The following DAO variants were observed in gnomAD, a reference collection of about 807,000 sequenced individuals.
DAO encodes D-amino acid oxidase.
DAO carries 51 observed loss-of-function variants against 50.1 expected under a neutral mutation model. The observed-to-expected ratio is 1.02, with a 90% CI of 0.81 to 1.29. The LOEUF (loss-of-function observed/expected upper bound fraction) is 1.29, where lower values mean the gene tolerates loss of function less well. DAO is among the 50% of genes most tolerant of loss of function. DAO has a pLI of 0.00. For synonymous variants in DAO, 160 were observed against 166.2 expected (o/e 0.96, Z 0.29); for missense variants, 436 against 439.4 (o/e 0.99, Z 0.07).
At chr12:108,893,155 G>C (rs974273303) in intron 6 of DAO, 119 bp downstream of exon 6, 2 of 853,708 alleles carry the variant, frequency 2.3e-6, no homozygotes, top group Non-Finnish European at 3.9e-6. Context: ...GCCTGCCTCA[G>C]ACCCTTGCCC....
intron 5 of DAO, among the ~76,000 whole-genome samples, chr12:108,890,629 CTTTT>C (rs923169421): frequency 6.6e-6 from 1 of 151,750 alleles, no homozygotes; most frequent in Non-Finnish European, 1.5e-5. Flanking sequence ...CTCCCTCTCT[CTTTT>C]TTTTTCTTCT....
intron 1 of DAO, among the ~76,000 whole-genome samples, chr12:108,884,388 C>T (rs558774027): frequency 6.6e-6 from 1 of 152,328 alleles, no homozygotes; most frequent in Non-Finnish European, 1.5e-5. Context: ...GCCCCTACCT[C>T]ATGACAGTGT....
chr12:108,885,380 G>A (rs1007649214), intron 2 of DAO, among the ~76,000 whole-genome samples, 180 bp downstream of exon 2: 3 of 152,160 alleles, frequency 2.0e-5, no homozygotes, highest in Admixed American at 2.0e-4. Flanking sequence ...AGGTCGAGGT[G>A]GGAGGATCAC....
rs118158458 is a variant in DAO, at chr12:108,883,985, G to C, written c.-9-1013G>C. On this transcript the variant is annotated intron_variant, in intron 1 of 10. Transcript: ENST00000228476. ...GTGAAGATGAGGGAAAGTTGAATTT[G>C]GCTCTTCTGGGCACAAATAATTCTC... is the stretch of plus-strand genomic sequence containing the variant. Among the ~76,000 whole-genome samples, 58 of 152,366 alleles carry C rather than the reference G, an allele frequency of 3.8e-4. 4 individuals carry two copies. In the East Asian group the frequency reaches 0.011, roughly 29 times the overall value.
chr12:108,894,349 C>A lies in DAO; in HGVS notation c.594C>A (p.Gly198=). The change falls in exon 7 of 11, where the codon GGC becomes GGA. Residue 198 remains glycine, a synonymous_variant. Transcript: ENST00000228476. ...AACGAGACCCCCTGCTGCAGCCAGG[C>A]CGGGGGCAGATCATGAAGGTGAGTG... The part of the protein sequence containing the change: ...ALQRDPLLQP[G]RGQIMKVDAP... 1 of 1,613,724 alleles carries A rather than the reference C, an allele frequency of 6.2e-7. No individual in the cohort carries two copies. Among genetic ancestry groups the A allele is most frequent in the South Asian group, 1.1e-5 (1 of 91,034 alleles).
At chr12:108,883,721 A>T (rs910955292) in intron 1 of DAO, 4 of 439,346 alleles carry the variant, frequency 9.1e-6, no homozygotes, top group Non-Finnish European at 1.4e-5. Flanking sequence ...CTGTCCCCTA[A>T]GCCCCAGTAT....
chr12:108,886,652 G>A (rs971045719), intron 2 of DAO, among the ~76,000 whole-genome samples: 1 of 152,076 alleles, frequency 6.6e-6, no homozygotes, highest in Non-Finnish European at 1.5e-5. Context: ...TTTTTGTAGA[G>A]CCAGGGTCTT....
Position 108,900,562 on chromosome 12 carries a change from C to G in DAO, c.*27C>G, listed in dbSNP as rs3741773. The G allele has an allele frequency of 1.5e-5, 24 of 1,612,720 alleles. No homozygotes were observed. The East Asian group carries it at 3.6e-4, about 24-fold the overall frequency. On this transcript the variant is annotated 3_prime_UTR_variant, in exon 11 of 11. Transcript: ENST00000228476. Reference sequence around the variant, plus strand: ...GACTCCAGTGACTGCTGCCTCCCCCCACAAGAACTCCCTTCTCCCCTCAGC... The same window carrying G: ...GACTCCAGTGACTGCTGCCTCCCCCGACAAGAACTCCCTTCTCCCCTCAGC...
At chr12:108,893,337 G>A (rs1219775349) in intron 6 of DAO, among the ~76,000 whole-genome samples, 2 of 152,124 alleles carry the variant, frequency 1.3e-5, no homozygotes, top group African/African-American at 4.8e-5. Context: ...GCACTCCAAG[G>A]TCAGAACTTG....
chr12:108,880,788 A>C (rs1202669872), intron 1 of DAO, among the ~76,000 whole-genome samples: 1 of 152,040 alleles, frequency 6.6e-6, no homozygotes, highest in East Asian at 1.9e-4. Context: ...CAGCTGTCTC[A>C]GATTGCCTTC....
chr12:108,894,448 A>G, intron 7 of DAO, 81 bp downstream of exon 7: 11 of 1,180,526 alleles, frequency 9.3e-6, no homozygotes, highest in Non-Finnish European at 1.4e-5. Flanking sequence ...AAGATCATGG[A>G]CAAATCAGGA....
chr12:108,895,714 TATGTGTGGATGC>T (rs1394587132), intron 7 of DAO, among the ~76,000 whole-genome samples: 2 of 144,068 alleles, frequency 1.4e-5, no homozygotes, highest in East Asian at 4.2e-4. Context: ...GTGAGGGGTA[TATGTGTGGATGC>T]ATGTGAGGGT....
intron 10 of DAO, chr12:108,899,750 T>TG: frequency 2.0e-6 from 1 of 496,376 alleles, no homozygotes. Context: ...GGAGTGGGGA[T>TG]GGTAGCTGGT....
At chr12:108,888,488 A>AC (rs1487165829) in intron 3 of DAO, among the ~76,000 whole-genome samples, 7 of 152,008 alleles carry the variant, frequency 4.6e-5, no homozygotes, top group African/African-American at 1.7e-4. Context: ...GGTGCGCACT[A>AC]CCACGCCTGG....
At chr12:108,896,419 C>CAAAAAAAAAAAAAAAAAAAAAA (rs386377704) in intron 7 of DAO, among the ~76,000 whole-genome samples, 10 of 59,544 alleles carry the variant, frequency 1.7e-4, no homozygotes, top group African/African-American at 3.8e-4. Flanking sequence ...GAGGCTGTCT[C>CAAAAAAAAAAAAAAAAAAAAAA]AAAAAAAAAA....
chr12:108,885,917 G>C (rs1445485872), intron 2 of DAO, among the ~76,000 whole-genome samples: 1 of 152,108 alleles, frequency 6.6e-6, no homozygotes, highest in East Asian at 1.9e-4. Context: ...ACCACGCCTG[G>C]CTAATTTTTG....
At chr12:108,895,259 G>A (rs2039535366) in intron 7 of DAO, among the ~76,000 whole-genome samples, 1 of 151,654 alleles carries the variant, frequency 6.6e-6, no homozygotes, top group Non-Finnish European at 1.5e-5. Context: ...GTATGTGTGT[G>A]TGCATGTATG....
intron 1 of DAO, among the ~76,000 whole-genome samples, chr12:108,881,922 C>G (rs934617737): frequency 7.2e-5 from 11 of 151,974 alleles, no homozygotes; most frequent in Non-Finnish European, 1.3e-4. Context: ...ATTTTCCATT[C>G]TATTCCTACC....
rs2039359549 is a variant in DAO, at chr12:108,880,116, A to G, written c.-118A>G. ...TGCACTCCAGTCCGGGCTGGCGGAC[A>G]GAGGGCTGGAAACAAGACGCTCCAG... On this transcript the variant is annotated 5_prime_UTR_variant, in exon 1 of 11. Coordinates refer to ENST00000228476, the MANE Select transcript of DAO (RefSeq NM_001917.5). 2.2e-6 allele frequency: 1 copy of G among 456,560 alleles called. No homozygotes were observed. The highest frequency in any genetic ancestry group is 4.4e-6 in the Non-Finnish European group (1 of 226,964). The allele number at this position is 456,560 out of a possible 1,614,324, so 28.3% of individuals were successfully genotyped here. A position where few individuals can be genotyped will look rare whatever the true frequency, so the allele number is the denominator to read the frequency against.
Sources: allele counts gnomAD v4.1 joint callset (sites outside exome capture counted in the v4.1 genomes callset), GRCh38; gene constraint gnomAD v4.1.1; transcripts MANE v1.5; gene names NCBI Gene and HGNC (gene_info 2026-07-23, HGNC 2026-07-21).